PPP2R2B: variants seen among roughly 807,000 people sequenced by gnomAD.
PPP2R2B encodes serine/threonine-protein phosphatase 2A 55 kDa regulatory subunit B beta isoform.
In PPP2R2B, 5 loss-of-function variants were observed where a neutral mutation model predicts 46.0. The ratio of observed to expected loss-of-function variants is 0.11; its 90% CI spans 0.06 to 0.23. The LOEUF (loss-of-function observed/expected upper bound fraction) is 0.23. Among genes scored for constraint, PPP2R2B ranks in the 10% least tolerant of loss-of-function variants. PPP2R2B has a pLI of 1.00. For missense variants in PPP2R2B, 367 were observed against 575.0 expected (o/e 0.64, Z 3.70); for synonymous variants, 215 against 206.7 (o/e 1.04, Z -0.34).
At chr5:146,665,407 T>C (rs1074518) in intron 5 of PPP2R2B, among the ~76,000 whole-genome samples, 143,338 of 152,256 alleles carry the variant, frequency 0.94, 67,828 homozygotes, top group East Asian at 1. Context: ...GAACCAACCT[T>C]TGCTAGCTTC....
intron 5 of PPP2R2B, among the ~76,000 whole-genome samples, chr5:146,658,594 T>C (rs1334686921): frequency 6.6e-6 from 1 of 152,140 alleles, no homozygotes; most frequent in African/African-American, 2.4e-5. Flanking sequence ...TGTGAAAAAG[T>C]TTTAAGGAAA....
intron 1 of PPP2R2B, among the ~76,000 whole-genome samples, chr5:146,968,969 CT>C (rs1752552431): frequency 6.6e-6 from 1 of 152,204 alleles, no homozygotes; most frequent in South Asian, 2.1e-4. Flanking sequence ...AATGGCTATG[CT>C]TAACAACCAG....
chr5:146,604,050 C>G lies in PPP2R2B; in HGVS notation c.791-3590G>C, dbSNP rs75453143. ...AAAGTATTTCGATACGTGCCAGGCC[C>G]TGTACCAAATGCTAAAGACACAATA... On this transcript the variant is annotated intron_variant, in intron 7 of 9. Transcript: ENST00000394411. 4.9e-3 allele frequency among the ~76,000 whole-genome samples: 747 copies of G among 152,334 alleles called. 7 individuals carry two copies. Among genetic ancestry groups the G allele is most frequent in the African/African-American group, 0.017 (706 of 41,578 alleles).
chr5:147,008,452 T>G (rs1445038930), intron 1 of PPP2R2B, among the ~76,000 whole-genome samples: 1 of 152,216 alleles, frequency 6.6e-6, no homozygotes, highest in Non-Finnish European at 1.5e-5. Flanking sequence ...CTGGTGTCTA[T>G]GCTGTCTTTC....
At chr5:147,022,289 G>A (rs1479133904) in intron 1 of PPP2R2B, among the ~76,000 whole-genome samples, 1 of 151,978 alleles carries the variant, frequency 6.6e-6, no homozygotes, top group Non-Finnish European at 1.5e-5. Flanking sequence ...CAGGCGCGGT[G>A]ACACTCTCCT....
intron 2 of PPP2R2B, among the ~76,000 whole-genome samples, chr5:146,813,877 CAGG>C (rs1420809223): frequency 2.0e-5 from 3 of 152,062 alleles, no homozygotes; most frequent in African/African-American, 7.2e-5. Context: ...AGAGAGCAAG[CAGG>C]AGGAGTCCTG....
intron 1 of PPP2R2B, among the ~76,000 whole-genome samples, chr5:146,959,755 TGTAA>T (rs1435032876): frequency 1.3e-5 from 2 of 152,074 alleles, no homozygotes; most frequent in Non-Finnish European, 2.9e-5. Context: ...ACAAGAGCAC[TGTAA>T]GTGAGTTGTT....
In PPP2R2B at chr5:146,899,329, G is replaced by A. The variant is rs1288739055; in HGVS notation, c.79+156336C>T. On this transcript the variant is annotated intron_variant, in intron 1 of 8. Coordinates refer to the PPP2R2B transcript ENST00000336640. Reference sequence around the variant, plus strand: ...ATGAGTTCATGTCCTTTGTAGGGATGTGGATGAAATTGGAAATCATCATTC... The same window carrying A: ...ATGAGTTCATGTCCTTTGTAGGGATATGGATGAAATTGGAAATCATCATTC... Among the ~76,000 whole-genome samples, 106 of 148,656 alleles carry A rather than the reference G, an allele frequency of 7.1e-4. 1 individual carries two copies. In the East Asian group the frequency reaches 0.012, roughly 17 times the overall value.
intron 1 of PPP2R2B, among the ~76,000 whole-genome samples, chr5:146,967,749 T>C (rs1752491857): frequency 1.3e-5 from 2 of 152,158 alleles, no homozygotes; most frequent in South Asian, 4.1e-4. Context: ...ATCCTGCAGC[T>C]AGCCCTCCTC....
At chr5:146,633,602 A>G (rs1405854753) in intron 7 of PPP2R2B, among the ~76,000 whole-genome samples, 1 of 152,264 alleles carries the variant, frequency 6.6e-6, no homozygotes, top group Non-Finnish European at 1.5e-5. Context: ...GCAGGCTGGC[A>G]GCTTGCAATT....
chr5:146,938,652 C>G (rs1356673945), intron 1 of PPP2R2B, among the ~76,000 whole-genome samples: 2 of 148,918 alleles, frequency 1.3e-5, no homozygotes, highest in Non-Finnish European at 3.0e-5. Context: ...AATGACATAT[C>G]AAAATGTTGA....
intron 2 of PPP2R2B, among the ~76,000 whole-genome samples, chr5:146,767,755 C>T (rs1311019714): frequency 1.3e-5 from 2 of 152,124 alleles, no homozygotes; most frequent in Non-Finnish European, 2.9e-5. Context: ...ACCCAAAGTC[C>T]ATAGTTTACA....
intron 1 of PPP2R2B, among the ~76,000 whole-genome samples, chr5:146,985,780 T>C (rs1009296565): frequency 1.3e-5 from 2 of 152,132 alleles, no homozygotes; most frequent in Non-Finnish European, 2.9e-5. Context: ...AGAAGTAAAA[T>C]TGTCACTGTT....
chr5:146,929,248 T>C (rs1258354895), intron 1 of PPP2R2B, among the ~76,000 whole-genome samples: 3 of 152,182 alleles, frequency 2.0e-5, no homozygotes, highest in African/African-American at 7.2e-5. Context: ...TCCTTAATGT[T>C]TGTCATCTGT....
intron 2 of PPP2R2B, among the ~76,000 whole-genome samples, chr5:146,854,295 A>G (rs1269847331): frequency 6.6e-6 from 1 of 152,164 alleles, no homozygotes; most frequent in African/African-American, 2.4e-5. Flanking sequence ...CAATTTTTAA[A>G]ATACATAATA....
rs1554109061 is a variant in PPP2R2B, at chr5:146,585,259, T to TATACACACACAC, written c.*4687_*4688insGTGTGTGTGTAT. ...GATCAGTAACTTCCATCTACATGCA[T>TATACACACACAC]ACACACACACACACACACACACACA... On this transcript the variant is annotated 3_prime_UTR_variant, in exon 10 of 10. Coordinates refer to ENST00000394411, the MANE Select transcript of PPP2R2B (RefSeq NM_181675.4). The TATACACACACAC allele has an allele frequency of 7.7e-6, 1 of 129,902 alleles. No homozygotes were observed. The highest frequency in any genetic ancestry group is 2.3e-4 in the East Asian group (1 of 4,348). The allele number at this position is 129,902 out of a possible 1,614,324, so 8.0% of individuals were successfully genotyped here.
intron 8 of PPP2R2B, among the ~76,000 whole-genome samples, chr5:146,596,810 G>C (rs1234244837): frequency 6.6e-6 from 1 of 152,146 alleles, no homozygotes; most frequent in Admixed American, 6.5e-5. Context: ...GAGTACGATG[G>C]ACCACAGGGG....
At chr5:146,646,592 CA>C in intron 6 of PPP2R2B, among the ~76,000 whole-genome samples, 1 of 152,122 alleles carries the variant, frequency 6.6e-6, no homozygotes, top group East Asian at 1.9e-4. Context: ...GTGCTAAACA[CA>C]AGGCCCTAGA....
chr5:146,659,922 T>A (rs557206666), intron 5 of PPP2R2B, among the ~76,000 whole-genome samples: 25 of 152,368 alleles, frequency 1.6e-4, no homozygotes, highest in African/African-American at 5.3e-4. Flanking sequence ...TATGAGGTTT[T>A]AGCATCTCTT....
Sources: allele counts gnomAD v4.1 joint callset (sites outside exome capture counted in the v4.1 genomes callset), GRCh38; gene constraint gnomAD v4.1.1; transcripts MANE v1.5; gene names NCBI Gene and HGNC (gene_info 2026-07-23, HGNC 2026-07-21).